GALNT13: variants seen among roughly 807,000 people sequenced by gnomAD.
The protein encoded by GALNT13 is UDP-GalNAc:polypeptide N-acetylgalactosaminyltransferase 13.
A neutral mutation model predicts 64.2 loss-of-function variants in GALNT13; 28 were observed. The observed-to-expected ratio is 0.44, with a 90% CI of 0.32 to 0.60. GALNT13 has a LOEUF of 0.60. Among genes scored for constraint, GALNT13 ranks in the 20% least tolerant of loss-of-function variants. The pLI, the probability that GALNT13 is intolerant of heterozygous loss-of-function variation, is 0.05. For synonymous variants in GALNT13, 214 were observed against 224.6 expected (o/e 0.95, Z 0.42); for missense variants, 577 against 669.8 (o/e 0.86, Z 1.53).
the GALNT13 span, among the ~76,000 whole-genome samples, chr2:153,278,899 A>G: frequency 6.6e-6 from 1 of 152,110 alleles, no homozygotes; most frequent in Admixed American, 6.6e-5. Context: ...GAAAAATGAC[A>G]TTTGTAGTTT....
chr2:153,554,319 G>T, the GALNT13 span, among the ~76,000 whole-genome samples: 2 of 151,780 alleles, frequency 1.3e-5, no homozygotes, highest in African/African-American at 4.8e-5. Context: ...GGGTGACAGA[G>T]TGAGACTCTG....
chr2:154,066,503 CAT>C (rs1700471693), intron 3 of GALNT13, among the ~76,000 whole-genome samples: 1 of 151,818 alleles, frequency 6.6e-6, no homozygotes, highest in African/African-American at 2.4e-5. Context: ...AGACAAATAA[CAT>C]ACAATGGAGT....
chr2:153,765,564 C>T, the GALNT13 span, among the ~76,000 whole-genome samples: 1 of 152,144 alleles, frequency 6.6e-6, no homozygotes, highest in Non-Finnish European at 1.5e-5. Flanking sequence ...AGGGACTTGC[C>T]TTGTGTCAGA....
intron 9 of GALNT13, among the ~76,000 whole-genome samples, chr2:154,360,072 A>C (rs1696977477): frequency 1.3e-5 from 2 of 152,152 alleles, no homozygotes; most frequent in African/African-American, 4.8e-5. Context: ...GTTTGACAAT[A>C]AACTTGTTTT....
At chr2:153,676,307 G>T in the GALNT13 span, among the ~76,000 whole-genome samples, 1 of 151,956 alleles carries the variant, frequency 6.6e-6, no homozygotes, top group Non-Finnish European at 1.5e-5. Flanking sequence ...TCCCAAGATT[G>T]AACCAGGAAG....
At chr2:154,288,499 A>G (rs1397265349) in intron 8 of GALNT13, among the ~76,000 whole-genome samples, 1 of 152,174 alleles carries the variant, frequency 6.6e-6, no homozygotes, top group Admixed American at 6.5e-5. Context: ...CTCATCTGAG[A>G]CAAGCCATGT....
At chr2:153,194,412 A>G in the GALNT13 span, among the ~76,000 whole-genome samples, 3 of 152,074 alleles carry the variant, frequency 2.0e-5, no homozygotes, top group African/African-American at 7.2e-5. Context: ...TATTTTATTT[A>G]ATACATTCTT....
rs571331457 is a variant in GALNT13, at chr2:154,047,979, G to C, written c.143-92358G>C. The stretch of plus-strand genomic sequence containing the variant: ...TTCACATTGCTATAAAGAAATGCTA[G>C]AGGCTGGGTAATTTATAAAGAAAAG... On this transcript the variant is annotated intron_variant, in intron 3 of 12. Coordinates refer to ENST00000392825, the MANE Select transcript of GALNT13 (RefSeq NM_052917.4). 2.9e-4 allele frequency among the ~76,000 whole-genome samples: 44 copies of C among 152,270 alleles called. 1 individual carries two copies. Among genetic ancestry groups the C allele is most frequent in the African/African-American group, 1.0e-3 (43 of 41,546 alleles).
At chr2:153,440,884 C>T in the GALNT13 span, among the ~76,000 whole-genome samples, 2 of 152,028 alleles carry the variant, frequency 1.3e-5, no homozygotes, top group South Asian at 2.1e-4. Context: ...AAAAATTTTC[C>T]GATTCTGTAG....
chr2:153,634,673 C>T, the GALNT13 span, among the ~76,000 whole-genome samples: 1 of 150,926 alleles, frequency 6.6e-6, no homozygotes, highest in Non-Finnish European at 1.5e-5. Context: ...GCCTCAGCCT[C>T]CCGAGTAGCT....
At chr2:154,412,619 G>GGGTTT (rs2105401524) in intron 11 of GALNT13, among the ~76,000 whole-genome samples, 1 of 151,592 alleles carries the variant, frequency 6.6e-6, no homozygotes, top group South Asian at 2.1e-4. Flanking sequence ...GATAGTTTAG[G>GGGTTT]GGTTTTTTAA....
the GALNT13 span, among the ~76,000 whole-genome samples, chr2:153,153,953 T>C: frequency 6.6e-6 from 1 of 152,144 alleles, no homozygotes; most frequent in South Asian, 2.1e-4. Context: ...GTTAGTTTAA[T>C]AGGAATGGCA....
At chr2:154,081,905 C>A (rs973403640) in intron 3 of GALNT13, among the ~76,000 whole-genome samples, 1 of 151,746 alleles carries the variant, frequency 6.6e-6, no homozygotes, top group Non-Finnish European at 1.5e-5. Context: ...CTAATTCAAG[C>A]AATTTCCTAT....
At chr2:154,086,128 T>C (rs1386240706) in intron 3 of GALNT13, among the ~76,000 whole-genome samples, 1 of 148,228 alleles carries the variant, frequency 6.7e-6, no homozygotes, top group Non-Finnish European at 1.5e-5. Flanking sequence ...TGTGATTATA[T>C]ATCATATAAT....
At chr2:154,177,315 A>C (rs1014926707) in intron 4 of GALNT13, among the ~76,000 whole-genome samples, 3 of 152,176 alleles carry the variant, frequency 2.0e-5, no homozygotes, top group Non-Finnish European at 2.9e-5. Context: ...AAGGTTATAT[A>C]TAGTTGAAAC....
chr2:153,398,236 T>C, the GALNT13 span, among the ~76,000 whole-genome samples: 1 of 152,186 alleles, frequency 6.6e-6, no homozygotes, highest in African/African-American at 2.4e-5. Context: ...CCCATGTCCC[T>C]ACAAAGGACA....
chr2:153,254,341 T>G, the GALNT13 span, among the ~76,000 whole-genome samples: 2 of 152,158 alleles, frequency 1.3e-5, no homozygotes, highest in African/African-American at 2.4e-5. Flanking sequence ...TTATTGCATC[T>G]GTTTGATTCT....
the GALNT13 span, among the ~76,000 whole-genome samples, chr2:153,520,657 C>T: frequency 2.0e-5 from 3 of 152,142 alleles, no homozygotes; most frequent in Non-Finnish European, 2.9e-5. Flanking sequence ...TGGCACCTAA[C>T]ATTTTCCTGC....
At chr2:153,405,287 T>C in the GALNT13 span, among the ~76,000 whole-genome samples, 1 of 152,222 alleles carries the variant, frequency 6.6e-6, no homozygotes, top group Non-Finnish European at 1.5e-5. Context: ...GGAAAGGAAT[T>C]GTGGTTCCCT....
Sources: allele counts gnomAD v4.1 joint callset (sites outside exome capture counted in the v4.1 genomes callset), GRCh38; gene constraint gnomAD v4.1.1; transcripts MANE v1.5; gene names NCBI Gene and HGNC (gene_info 2026-07-23, HGNC 2026-07-21).